The following ADCY2 variants were observed in gnomAD, a reference collection of about 807,000 sequenced individuals.
The protein encoded by ADCY2 is adenylate cyclase 2.
A neutral mutation model predicts 125.2 loss-of-function variants in ADCY2; 31 were observed. The observed-to-expected ratio is 0.25, with a 90% CI of 0.19 to 0.33. The LOEUF (loss-of-function observed/expected upper bound fraction) is 0.33. Ranked by LOEUF, ADCY2 falls within the 10% of genes least tolerant of loss-of-function variation. The pLI is 1.00. For missense variants in ADCY2, 904 were observed against 1,418.2 expected (o/e 0.64, Z 5.82); for synonymous variants, 512 against 548.4 (o/e 0.93, Z 0.93).
chr5:7,582,780 A>G (rs759255244), intron 3 of ADCY2, among the ~76,000 whole-genome samples: 1 of 152,156 alleles, frequency 6.6e-6, no homozygotes, highest in Non-Finnish European at 1.5e-5. Flanking sequence ...ATTTTACTCA[A>G]TGGTCAAATA....
intron 4 of ADCY2, among the ~76,000 whole-genome samples, chr5:7,636,193 G>A (rs1276816712): frequency 6.6e-6 from 1 of 152,252 alleles, no homozygotes; most frequent in African/African-American, 2.4e-5. Flanking sequence ...ATTGTTTACA[G>A]ATCTGGAGAA....
intron 1 of ADCY2, among the ~76,000 whole-genome samples, chr5:7,411,767 CAG>C (rs1285784849): frequency 6.6e-6 from 1 of 152,154 alleles, no homozygotes; most frequent in Admixed American, 6.5e-5. Flanking sequence ...GTCTTGTTGA[CAG>C]AGAGATCCTT....
intron 2 of ADCY2, among the ~76,000 whole-genome samples, chr5:7,478,864 A>G (rs568603497): frequency 1.3e-5 from 2 of 152,332 alleles, no homozygotes; most frequent in East Asian, 3.9e-4. Context: ...ATTTAGTAAC[A>G]GTCTGTGATC....
intron 3 of ADCY2, among the ~76,000 whole-genome samples, chr5:7,537,789 C>T (rs774085660): frequency 1.3e-5 from 2 of 152,214 alleles, no homozygotes; most frequent in Non-Finnish European, 1.5e-5. Context: ...CTGCAGCCTC[C>T]ACAGCCTGGC....
At chr5:7,756,546 G>T (rs1332037746) in intron 15 of ADCY2, among the ~76,000 whole-genome samples, 1 of 152,072 alleles carries the variant, frequency 6.6e-6, no homozygotes, top group Non-Finnish European at 1.5e-5. Context: ...CGTGATCTCT[G>T]GTGACATTAT....
At position 7,454,238 on chromosome 5, in the gene ADCY2, A is replaced by T. The variant is rs1007727868; in HGVS notation, c.408+39468A>T. On this transcript the variant is annotated intron_variant, in intron 2 of 24. Transcript: ENST00000338316. ...TTTATGACTTGCTCAAGGCTCAGTT[A>T]ACAGCATTTTTAGCAATAATGTGCT... Among the ~76,000 whole-genome samples, 4 of 152,328 alleles carry T rather than the reference A, an allele frequency of 2.6e-5. No individual in the cohort carries two copies. In the South Asian group the frequency reaches 6.2e-4, roughly 24 times the overall value.
At chr5:7,562,238 G>A (rs561972884) in intron 3 of ADCY2, among the ~76,000 whole-genome samples, 1 of 151,900 alleles carries the variant, frequency 6.6e-6, no homozygotes, top group South Asian at 2.1e-4. Flanking sequence ...GAACATGTCT[G>A]TGAATTATGA....
chr5:7,535,465 A>G (rs1734784911), intron 3 of ADCY2, among the ~76,000 whole-genome samples: 1 of 152,222 alleles, frequency 6.6e-6, no homozygotes, highest in Non-Finnish European at 1.5e-5. Flanking sequence ...AGAATCTCCA[A>G]ACCAGGGCAA....
chr5:7,658,070 C>G (rs900370162), intron 4 of ADCY2: 2 of 152,238 alleles, frequency 1.3e-5, no homozygotes, highest in Admixed American at 1.3e-4. Flanking sequence ...TCGACACGAA[C>G]CCTCTTCTAG....
intron 12 of ADCY2, among the ~76,000 whole-genome samples, chr5:7,719,977 A>G (rs1244423534): frequency 6.6e-6 from 1 of 151,822 alleles, no homozygotes; most frequent in Non-Finnish European, 1.5e-5. Flanking sequence ...TAAGCATAGT[A>G]TTCAGAATTT....
chr5:7,683,803 T>A (rs1194080906), intron 4 of ADCY2, among the ~76,000 whole-genome samples: 1 of 152,194 alleles, frequency 6.6e-6, no homozygotes, highest in Admixed American at 6.5e-5. Flanking sequence ...CATAAAAAAA[T>A]ATTCTGTTTT....
chr5:7,524,691 C>T (rs1044919463), intron 3 of ADCY2, among the ~76,000 whole-genome samples: 2 of 152,128 alleles, frequency 1.3e-5, no homozygotes, highest in Non-Finnish European at 2.9e-5. Flanking sequence ...GAATAGATTC[C>T]GGTTCTGCAT....
At chr5:7,627,129 A>G (rs78277363) in intron 4 of ADCY2, among the ~76,000 whole-genome samples, 2,652 of 152,046 alleles carry the variant, frequency 0.017, 46 homozygotes, top group South Asian at 0.11. Flanking sequence ...AGCACTTCCT[A>G]CAGCGCCTGT....
intron 3 of ADCY2, among the ~76,000 whole-genome samples, chr5:7,544,885 G>A (rs73046399): frequency 0.023 from 3,489 of 152,238 alleles, 127 homozygotes; most frequent in African/African-American, 0.08. Flanking sequence ...GTCCCCACCC[G>A]ACTGACTCCC....
At chr5:7,728,734 T>G (rs1742009027) in intron 14 of ADCY2, among the ~76,000 whole-genome samples, 1 of 152,182 alleles carries the variant, frequency 6.6e-6, no homozygotes, top group Non-Finnish European at 1.5e-5. Context: ...ATAGATTCAT[T>G]AATTTTTCTA....
chr5:7,589,782 C>T (rs528567401), intron 3 of ADCY2, among the ~76,000 whole-genome samples: 2 of 152,262 alleles, frequency 1.3e-5, no homozygotes, highest in East Asian at 3.9e-4. Flanking sequence ...ACCAATGATA[C>T]AGCACTCGGG....
rs142400409 is a variant in ADCY2 at position 7,816,113 on chromosome 5, C to A, written c.2884-753C>A. Among the ~76,000 whole-genome samples, 452 of 152,290 alleles carry A rather than the reference C, an allele frequency of 3.0e-3. 1 individual carries two copies. The highest frequency in any genetic ancestry group is 0.01 in the African/African-American group (423 of 41,554). ...TTATCTTAATCACCCCTTTAAAGAC[C>A]CTATCTCCAAATATGGTCATATCCT... On this transcript the variant is annotated intron_variant, in intron 22 of 24. Transcript: ENST00000338316.
At chr5:7,436,893 G>A (rs1474011630) in intron 2 of ADCY2, among the ~76,000 whole-genome samples, 1 of 152,172 alleles carries the variant, frequency 6.6e-6, no homozygotes. Context: ...TGTCAGGCCA[G>A]CTGAACTTGT....
intron 2 of ADCY2, among the ~76,000 whole-genome samples, chr5:7,470,802 G>GT (rs1742308099): frequency 6.6e-6 from 1 of 151,376 alleles, no homozygotes; most frequent in East Asian, 1.9e-4. Context: ...GGTTGATGGT[G>GT]TTTTTTCAGG....
Sources: allele counts gnomAD v4.1 joint callset (sites outside exome capture counted in the v4.1 genomes callset), GRCh38; gene constraint gnomAD v4.1.1; transcripts MANE v1.5; gene names NCBI Gene and HGNC (gene_info 2026-07-23, HGNC 2026-07-21).